The following COL4A4 variants were observed in gnomAD, a reference collection of about 807,000 sequenced individuals.
COL4A4 encodes the protein collagen alpha-4(IV) chain.
In COL4A4, 105 loss-of-function variants were observed where a neutral mutation model predicts 192.9. The ratio of observed to expected loss-of-function variants is 0.54; its 90% confidence interval spans 0.46 to 0.64. The LOEUF is 0.64. Among genes scored for constraint, COL4A4 ranks in the 30% least tolerant of loss-of-function variants. The pLI, the probability that COL4A4 is intolerant of heterozygous loss-of-function variation, is 0.00. For missense variants in COL4A4, 1,967 were observed against 2,169.3 expected (o/e 0.91, Z 1.85); for synonymous variants, 762 against 769.9 (o/e 0.99, Z 0.17).
At chr2:227,041,760 AAGGAAGGAAGGAAGGAAGGAAGGAAGG>A (rs1970965329) in intron 37 of COL4A4, among the ~76,000 whole-genome samples, 1 of 120,926 alleles carries the variant, frequency 8.3e-6, no homozygotes, top group African/African-American at 3.3e-5. Context: ...GGAAGGAAGG[AAGGAAGGAAGGAAGGAAGGAAGGAAGG>A]GAAAGAAAGA....
chr2:227,103,891 T>C, intron 13 of COL4A4, 81 bp downstream of exon 13: 1 of 1,046,502 alleles, frequency 9.6e-7, no homozygotes, highest in Non-Finnish European at 1.5e-6. Context: ...GAAAGACCTC[T>C]ATACTTTGCT....
chr2:227,103,490 T>C (rs1459096486), intron 13 of COL4A4, among the ~76,000 whole-genome samples: 1 of 152,182 alleles, frequency 6.6e-6, no homozygotes, highest in African/African-American at 2.4e-5. Flanking sequence ...AGTAAAGAAA[T>C]TTAACCCAGC....
At chr2:227,023,441 CA>C (rs60646267) in intron 43 of COL4A4, among the ~76,000 whole-genome samples, 97 of 124,246 alleles carry the variant, frequency 7.8e-4, no homozygotes, top group Non-Finnish European at 8.7e-4. Context: ...GATTCCATCT[CA>C]AAAAAAAAAA....
chr2:227,042,999 A>T, intron 36 of COL4A4, 78 bp downstream of exon 36: 1 of 1,046,968 alleles, frequency 9.6e-7, no homozygotes, highest in Non-Finnish European at 1.5e-6. Context: ...ATTTAGGTCT[A>T]ATTAAAGACT....
At chr2:227,095,634 C>T (rs1006208053) in intron 19 of COL4A4, among the ~76,000 whole-genome samples, 1 of 152,206 alleles carries the variant, frequency 6.6e-6, no homozygotes, top group Non-Finnish European at 1.5e-5. Flanking sequence ...GTGGCTCACA[C>T]CCGTAATCCC....
At chr2:227,133,170 T>C (rs1316358686) in intron 4 of COL4A4, among the ~76,000 whole-genome samples, 1 of 152,136 alleles carries the variant, frequency 6.6e-6, no homozygotes, top group Non-Finnish European at 1.5e-5. Flanking sequence ...GCTGTGGAAT[T>C]GAACTCCACA....
rs1559475943 is a variant in COL4A4, at chr2:227,041,777, AGG to A, written c.3505+369_3505+370del. Reference sequence around the variant, plus strand: ...AAGGAAGGAAGGAAGGAAGGAAGGAAGGAAGGAAGGGAAAGAAAGAAAGAAAG... The same window carrying A: ...AAGGAAGGAAGGAAGGAAGGAAGGAAAAGGAAGGGAAAGAAAGAAAGAAAG... On this transcript the variant is annotated intron_variant, in intron 37 of 47. Transcript: ENST00000396625. Among the ~76,000 whole-genome samples, 67 of 96,672 alleles carry A rather than the reference AGG, an allele frequency of 6.9e-4. 1 individual carries two copies. The highest frequency in any genetic ancestry group is 1.5e-3 in the African/African-American group (41 of 27,148). The allele number at this position is 96,672 out of a possible 152,430, so 63.4% of individuals were successfully genotyped here. A position where few individuals can be genotyped will look rare whatever the true frequency, so the allele number is the denominator to read the frequency against.
At chr2:227,091,295 T>C (rs1576438463) in intron 20 of COL4A4, among the ~76,000 whole-genome samples, 1 of 149,506 alleles carries the variant, frequency 6.7e-6, no homozygotes, top group Non-Finnish European at 1.5e-5. Flanking sequence ...GATATAGATA[T>C]AGATATAAAT....
intron 22 of COL4A4, among the ~76,000 whole-genome samples, chr2:227,084,472 C>T (rs369249940): frequency 4.6e-5 from 7 of 151,984 alleles, no homozygotes; most frequent in South Asian, 2.1e-4. Flanking sequence ...CTGTAGGTGT[C>T]GAATTTTAAG....
At chr2:227,114,757 C>A (rs2061400551) in intron 7 of COL4A4, 61 bp from the exon 8 acceptor site, 1 of 1,317,748 alleles carries the variant, frequency 7.6e-7, no homozygotes, top group Non-Finnish European at 1.1e-6. Flanking sequence ...TCAGTATTTT[C>A]TTTTCTATAT....
chr2:226,974,864 C>T, the COL4A4 span, among the ~76,000 whole-genome samples: 37 of 152,298 alleles, frequency 2.4e-4, no homozygotes, highest in Middle Eastern at 3.4e-3. Flanking sequence ...CTCGCCAGTG[C>T]GTGGCTCAGG....
At chr2:227,100,844 G>T (rs191686143) in intron 17 of COL4A4, among the ~76,000 whole-genome samples, 2,679 of 148,502 alleles carry the variant, frequency 0.018, 80 homozygotes, top group African/African-American at 0.063. Flanking sequence ...TCACTCTGTT[G>T]CCCAGGATGG....
intron 28 of COL4A4, among the ~76,000 whole-genome samples, chr2:227,058,020 A>G (rs950929995): frequency 6.6e-6 from 1 of 152,244 alleles, no homozygotes; most frequent in African/African-American, 2.4e-5. Context: ...CAGGGTCATA[A>G]TCTTCAGGAA....
rs149435238 is a variant in COL4A4 at position 227,024,093 on chromosome 2, C to G, written c.4090+1709G>C. 2.7e-3 allele frequency among the ~76,000 whole-genome samples: 411 copies of G among 152,282 alleles called. 4 individuals carry two copies. Among genetic ancestry groups the G allele is most frequent in the African/African-American group, 9.4e-3 (391 of 41,548 alleles). The stretch of plus-strand genomic sequence containing the variant: ...CTGTGGTGACACAGCTTACACACAG[C>G]AGAGTCTGGATTGCAATCCAGGGCA... On this transcript the variant is annotated intron_variant, in intron 43 of 47. Transcript: ENST00000396625.
Position 227,080,472 on chromosome 2 carries a change from C to G in COL4A4, c.1774G>C (p.Ala592Pro), listed in dbSNP as rs771922842. 18 of 1,614,000 alleles carry G rather than the reference C, an allele frequency of 1.1e-5. No homozygotes were observed. Among genetic ancestry groups the G allele is most frequent in the Non-Finnish European group, 1.5e-5 (18 of 1,180,036 alleles). Residue 592 changes from alanine to proline, a missense_variant, in exon 24 of 48, where the codon GCT becomes CCT. Transcript: ENST00000396625. Reference sequence around the variant, plus strand: ...GGTCCTGGATCCCCTTTTTCTCCAGCATGTCCATCCCGACCATGTGATCCT... The same window carrying G: ...GGTCCTGGATCCCCTTTTTCTCCAGGATGTCCATCCCGACCATGTGATCCT... ...QPGSHGRDGH[A>P]GEKGDPGPPG...
intron 23 of COL4A4, among the ~76,000 whole-genome samples, chr2:227,081,059 T>C (rs142324183): frequency 3.3e-5 from 5 of 152,264 alleles, no homozygotes; most frequent in African/African-American, 9.6e-5. Context: ...AGGGAGAGCC[T>C]CTTGATGCCA....
chr2:227,131,769 G>T (rs1385659305), intron 4 of COL4A4, among the ~76,000 whole-genome samples: 3 of 152,224 alleles, frequency 2.0e-5, no homozygotes, highest in African/African-American at 7.2e-5. Context: ...GCTACTACAT[G>T]CACCTTTATA....
In COL4A4 at chr2:227,057,594, G is replaced by A; in HGVS notation, c.2390C>T (p.Ala797Val). 1.2e-6 allele frequency: 2 copies of A among 1,614,142 alleles called. No individual in the cohort carries two copies. Among genetic ancestry groups the A allele is most frequent in the East Asian group, 2.2e-5 (1 of 44,876 alleles). ...GAGACCTAGGAATCCAGGAATGCCAGCTGGCCCTGAAATGATACAATACAT... is the reference window on the plus strand; with the variant it reads ...GAGACCTAGGAATCCAGGAATGCCAACTGGCCCTGAAATGATACAATACAT... The part of the protein sequence containing the change: ...DPGCPGAEGP[A>V]GIPGFLGLKG... Residue 797 changes from alanine (A) to valine (V), a missense_variant, in exon 29 of 48, where the codon GCT becomes GTT. Ala to Val is a moderately conservative substitution (Grantham distance 64). Transcript: ENST00000396625.
At chr2:227,126,803 C>G (rs1231385229) in intron 4 of COL4A4, among the ~76,000 whole-genome samples, 2 of 152,138 alleles carry the variant, frequency 1.3e-5, no homozygotes, top group African/African-American at 2.4e-5. Flanking sequence ...TCACAGCATA[C>G]AGAGAATAAT....
Sources: gnomAD v4.1 joint callset for allele counts (sites outside exome capture counted in the v4.1 genomes callset) on GRCh38, gnomAD v4.1.1 for gene constraint, MANE v1.5 for transcripts, NCBI Gene and HGNC (gene_info 2026-07-23, HGNC 2026-07-21) for gene names.